Variants in SLC22A14 observed in about 807,000 individuals in gnomAD.
SLC22A14 encodes the protein organic cation transporter-like 4.
SLC22A14 carries 50 observed loss-of-function variants against 53.9 expected under a neutral mutation model. That is an observed-to-expected ratio of 0.93 (90% CI 0.74 to 1.17). SLC22A14 has a LOEUF of 1.17. Ranked by LOEUF, SLC22A14 falls within the 50% of genes most tolerant of loss-of-function variation. SLC22A14 has a pLI of 0.00. For missense variants in SLC22A14, 671 were observed against 734.7 expected, an observed-to-expected ratio of 0.91 and a Z score of 1.00; for synonymous variants, 312 against 303.0, an observed-to-expected ratio of 1.03 and a Z score of -0.31.
chr3:38,281,727 A>T (rs917612001), upstream of SLC22A14, among the ~76,000 whole-genome samples: 4 of 151,824 alleles, frequency 2.6e-5, no homozygotes, highest in African/African-American at 9.6e-5. Context: ...ATATTAAGCC[A>T]TAGCAATGCT....
In SLC22A14 at chr3:38,313,448, C is replaced by T. The variant is rs1704529052; in HGVS notation, c.1126C>T (p.Gln376Ter). ...TGTCCTGGACTTCTGTAAGAATAGG[C>T]AGCTCTGCAAGGTGACCTTGGTGAT... The part of the protein sequence containing the change: ...ASVLDFCKNR[Q>*]LCKVTLVMSC... Residue 376 changes from glutamine to a stop codon, truncating the protein, a stop_gained, in exon 7 of 11, where the codon CAG becomes TAG. Transcript: ENST00000448498. LOFTEE classifies it high-confidence loss of function. 1.9e-6 allele frequency: 3 copies of T among 1,613,572 alleles called. No homozygotes were observed. The Admixed American group carries it at 5.0e-5, about 27-fold the overall frequency.
intron 1 of SLC22A14, among the ~76,000 whole-genome samples, chr3:38,294,873 G>T (rs1039738754): frequency 9.2e-5 from 14 of 152,134 alleles, no homozygotes; most frequent in Non-Finnish European, 1.8e-4. Context: ...AACCCAGTTT[G>T]CCCCATCAAG....
At chr3:38,315,520 G>A in intron 8 of SLC22A14, 38 bp from the exon 9 acceptor site, 3 of 1,598,038 alleles carry the variant, frequency 1.9e-6, no homozygotes, top group Non-Finnish European at 2.6e-6. Flanking sequence ...GAGGGGTCAA[G>A]GGAGGGCTGA....
chr3:38,302,226 C>T (rs1704175459), intron 1 of SLC22A14, among the ~76,000 whole-genome samples: 1 of 138,968 alleles, frequency 7.2e-6, no homozygotes, highest in East Asian at 2.1e-4. Context: ...AAGAGTGAGA[C>T]TCTGTCTCAA....
At chr3:38,284,651 C>T (rs1435878935) in intron 1 of SLC22A14, among the ~76,000 whole-genome samples, 6 of 152,044 alleles carry the variant, frequency 3.9e-5, no homozygotes, top group South Asian at 2.1e-4. Context: ...AGCAAGTTCC[C>T]GTGAGACGAA....
chr3:38,313,208 C>T, intron 6 of SLC22A14, 89 bp downstream of exon 6: 2 of 1,545,724 alleles, frequency 1.3e-6, no homozygotes, highest in Non-Finnish European at 1.8e-6. Flanking sequence ...GGACATTGGT[C>T]CAGAGGGTGC....
chr3:38,307,288 A>T lies in SLC22A14; in HGVS notation c.551A>T (p.Asp184Val), dbSNP rs140576978. 13 of 1,614,118 alleles carry T rather than the reference A, an allele frequency of 8.1e-6. No homozygotes were observed. The highest frequency in any genetic ancestry group is 1.1e-5 in the Non-Finnish European group (13 of 1,179,968). Residue 184 changes from aspartate to valine, a missense_variant, in exon 3 of 11, where the codon GAC (aspartate) becomes GTC (valine). By Grantham distance (152) the Asp-to-Val change is radical (BLOSUM62 -3). Coordinates refer to ENST00000448498, the MANE Select transcript of SLC22A14 (RefSeq NM_001320033.2). The surrounding 1 kb of genome is among the most constrained non-coding windows in gnomAD (Gnocchi z 4.4). The part of the protein sequence containing the change: ...DLVCGMETKK[D>V]TAQIMFMAGL... Reference sequence around the variant, plus strand: ...GTATGTGGCATGGAGACGAAGAAGGACACTGCACAGATCATGTTCATGGCA... The same window carrying T: ...GTATGTGGCATGGAGACGAAGAAGGTCACTGCACAGATCATGTTCATGGCA...
chr3:38,306,955 C>A (rs1303646401), intron 2 of SLC22A14, among the ~76,000 whole-genome samples: 1 of 152,354 alleles, frequency 6.6e-6, no homozygotes, highest in South Asian at 2.1e-4. Context: ...TTGGGCCTAG[C>A]ACCTGCCTTT....
chr3:38,313,261 A>C (rs1575423704), intron 6 of SLC22A14, 127 bp from the exon 7 acceptor site: 1 of 1,431,932 alleles, frequency 7.0e-7, no homozygotes, highest in Non-Finnish European at 9.8e-7. Flanking sequence ...GCAAAATTGA[A>C]CCCTGCCAGG....
chr3:38,306,594 C>A, intron 2 of SLC22A14, 52 bp downstream of exon 2: 1 of 1,513,748 alleles, frequency 6.6e-7, no homozygotes, highest in Non-Finnish European at 9.0e-7. Context: ...CAGAGTTGTG[C>A]CTCCCACCCT....
chr3:38,309,072 G>A lies in SLC22A14; in HGVS notation c.894G>A (p.Leu298=). The A allele has an allele frequency of 6.2e-7, 1 of 1,614,118 alleles. No homozygotes were observed. Among genetic ancestry groups the A allele is most frequent in the Admixed American group, 1.7e-5 (1 of 60,034 alleles). The stretch of plus-strand genomic sequence containing the variant: ...CCTACAGTCTTCCCCACTGGCAGCT[G>A]CTGTTTCTGGTGGGTGGGATACTTG... The part of the protein sequence containing the change: ...GIAYSLPHWQ[L]LFLVGGILVI... Residue 298 remains leucine, a synonymous_variant, in exon 5 of 11, where the codon CTG becomes CTA. Transcript: ENST00000448498.
chr3:38,285,795 C>T (rs1575399047), intron 1 of SLC22A14, among the ~76,000 whole-genome samples: 1 of 152,134 alleles, frequency 6.6e-6, no homozygotes, highest in Admixed American at 6.5e-5. Flanking sequence ...AGAGTATATA[C>T]CTGGGGGTAG....
Position 38,306,015 on chromosome 3 carries a change from T to C in SLC22A14, c.1-12T>C. The C allele has an allele frequency of 6.2e-7, 1 of 1,601,012 alleles. No homozygotes were observed. The highest frequency in any genetic ancestry group is 8.5e-7 in the Non-Finnish European group (1 of 1,172,686). The stretch of plus-strand genomic sequence containing the variant: ...GTCAGCAGAGACTGAGCTGCACCCT[T>C]TCTTTGGACAGATGGCAGGAGAGGA... On this transcript the variant is annotated splice_polypyrimidine_tract_variant and intron_variant, in intron 1 of 10. Transcript: ENST00000448498.
upstream of SLC22A14, among the ~76,000 whole-genome samples, chr3:38,280,076 TC>T (rs1407079631): frequency 7.2e-5 from 11 of 152,344 alleles, no homozygotes; most frequent in African/African-American, 2.6e-4. Flanking sequence ...AGCCTGAATT[TC>T]CACTGCGTGT....
intron 1 of SLC22A14, among the ~76,000 whole-genome samples, chr3:38,283,822 T>G (rs1054776797): frequency 1.3e-5 from 2 of 152,090 alleles, no homozygotes; most frequent in African/African-American, 4.8e-5. Flanking sequence ...AGACCGAGAT[T>G]CTGTCTCACA....
chr3:38,288,552 G>A (rs1703840038), intron 1 of SLC22A14, among the ~76,000 whole-genome samples: 1 of 152,118 alleles, frequency 6.6e-6, no homozygotes, highest in Admixed American at 6.5e-5. Flanking sequence ...CAATACAAAA[G>A]GGTTCGAATT....
At position 38,312,971 on chromosome 3, in the gene SLC22A14, T is replaced by C. The variant is rs1364460363; in HGVS notation, c.945-28T>C. On this transcript the variant is annotated intron_variant, in intron 5 of 10. Coordinates refer to ENST00000448498, the MANE Select transcript of SLC22A14 (RefSeq NM_001320033.2). ...GGGGTCTCTGGGCATCATAGAACGG[T>C]GAGATAAGAGAGGGGCTGGCCACGC... 8 of 1,567,948 alleles carry C rather than the reference T, an allele frequency of 5.1e-6. No individual in the cohort carries two copies. The East Asian group carries it at 1.2e-4, about 23-fold the overall frequency.
At position 38,299,601 on chromosome 3, in the gene SLC22A14, C is replaced by T. The variant is rs971680256; in HGVS notation, c.1-6426C>T. On this transcript the variant is annotated intron_variant, in intron 1 of 10. Transcript: ENST00000448498. The stretch of plus-strand genomic sequence containing the variant: ...TATTTTTGAGATAGTCTCACCCTAT[C>T]GCCTAGGCTGGAGGGCAGTGGAGCA... Among the ~76,000 whole-genome samples, 5 of 152,240 alleles carry T rather than the reference C, an allele frequency of 3.3e-5. No individual in the cohort carries two copies. In the East Asian group the frequency reaches 7.7e-4, roughly 23 times the overall value.
In SLC22A14 at chr3:38,306,515, C is replaced by A. The variant is rs114762122; in HGVS notation, c.489C>A (p.Asp163Glu). 6.2e-7 allele frequency: 1 copy of A among 1,613,746 alleles called. No homozygotes were observed. The highest frequency in any genetic ancestry group is 8.5e-7 in the Non-Finnish European group (1 of 1,179,724). Residue 163 changes from aspartate (D) to glutamate (E), a missense_variant, in exon 2 of 11, where the codon GAC becomes GAA. Asp to Glu is a conservative substitution (Grantham distance 45). Coordinates refer to ENST00000448498, the MANE Select transcript of SLC22A14 (RefSeq NM_001320033.2). ...DTCQDGWIYP[D>E]AKKRSLINEF... ...GCCAAGATGGGTGGATCTATCCTGA[C>A]GCTAAGAAGCGATCGCTGATCAATG...
Sources: gnomAD v4.1 joint callset for allele counts (sites outside exome capture counted in the v4.1 genomes callset) on GRCh38, gnomAD v4.1.1 for gene constraint, Gnocchi (gnomAD v3.1) non-coding constraint, MANE v1.5 for transcripts, NCBI Gene and HGNC (gene_info 2026-07-23, HGNC 2026-07-21) for gene names.